The following SYNJ1 variants were observed in gnomAD, a reference collection of about 807,000 sequenced individuals.
SYNJ1 encodes synaptojanin 1.
A neutral mutation model predicts 168.2 loss-of-function variants in SYNJ1; 78 were observed. The ratio of observed to expected loss-of-function variants is 0.46; its 90% CI spans 0.39 to 0.56. SYNJ1 has a LOEUF of 0.56. Among genes scored for constraint, SYNJ1 ranks in the 20% least tolerant of loss-of-function variants. SYNJ1 has a pLI of 0.00. For synonymous variants in SYNJ1, 539 were observed against 548.6 expected (o/e 0.98, Z 0.24); for missense variants, 1,303 against 1,597.6 (o/e 0.82, Z 3.14).
intron 2 of SYNJ1, among the ~76,000 whole-genome samples, chr21:32,725,220 G>A (rs1218526074): frequency 6.6e-6 from 1 of 152,034 alleles, no homozygotes; most frequent in African/African-American, 2.4e-5. Context: ...AGTAAGTCAG[G>A]TAACGTCACC....
chr21:32,634,623 T>C (rs1348231763), intron 32 of SYNJ1, among the ~76,000 whole-genome samples: 1 of 152,168 alleles, frequency 6.6e-6, no homozygotes, highest in Non-Finnish European at 1.5e-5. Context: ...GTTTTGTTAA[T>C]TTTCATAAAA....
chr21:32,638,233 T>C (rs1250444913), intron 31 of SYNJ1, among the ~76,000 whole-genome samples: 1 of 152,112 alleles, frequency 6.6e-6, no homozygotes, highest in Non-Finnish European at 1.5e-5. Context: ...AACACCTGGA[T>C]AGTTCTTTAA....
chr21:32,646,671 G>T, intron 23 of SYNJ1, 69 bp from the exon 24 acceptor site: 2 of 1,173,888 alleles, frequency 1.7e-6, no homozygotes, highest in Non-Finnish European at 2.5e-6. Flanking sequence ...TTCACCTTAG[G>T]TTTTAAAAAG....
intron 5 of SYNJ1, 120 bp downstream of exon 5, chr21:32,694,936 CA>C: frequency 9.3e-7 from 1 of 1,079,832 alleles, no homozygotes; most frequent in Non-Finnish European, 1.3e-6. Context: ...TAACCAAGAA[CA>C]ATCATAAAAC....
intron 4 of SYNJ1, among the ~76,000 whole-genome samples, chr21:32,697,299 G>A (rs1231758829): frequency 6.6e-6 from 1 of 152,108 alleles, no homozygotes; most frequent in Non-Finnish European, 1.5e-5. Context: ...AAGTGCAAGG[G>A]TATGCACAAT....
chr21:32,668,422 A>G (rs2041042380), intron 15 of SYNJ1, among the ~76,000 whole-genome samples: 1 of 152,208 alleles, frequency 6.6e-6, no homozygotes, highest in African/African-American at 2.4e-5. Flanking sequence ...CTCTATTTAG[A>G]CAAACAATTG....
chr21:32,689,734 G>A (rs1164575213), intron 6 of SYNJ1, among the ~76,000 whole-genome samples: 1 of 152,176 alleles, frequency 6.6e-6, no homozygotes, highest in East Asian at 1.9e-4. Flanking sequence ...CATTCATTAA[G>A]CATTATCCCT....
At chr21:32,684,262 T>A (rs1014569835) in intron 9 of SYNJ1, 143 bp from the exon 10 acceptor site, 4 of 699,094 alleles carry the variant, frequency 5.7e-6, no homozygotes, top group Non-Finnish European at 2.4e-6. Context: ...ACAAAAAAAA[T>A]TATACTGTGA....
At chr21:32,690,163 G>A in intron 6 of SYNJ1, among the ~76,000 whole-genome samples, 1 of 152,194 alleles carries the variant, frequency 6.6e-6, no homozygotes, top group South Asian at 2.1e-4. Flanking sequence ...ATTCAGCTAT[G>A]TATCACAGCT....
intron 2 of SYNJ1, among the ~76,000 whole-genome samples, chr21:32,713,583 CAT>C (rs1479042199): frequency 6.9e-6 from 1 of 145,852 alleles, no homozygotes; most frequent in Non-Finnish European, 1.5e-5. Context: ...GATGATTTCC[CAT>C]ATGTCAACAT....
In SYNJ1 at chr21:32,645,642, T is replaced by C; in HGVS notation, c.3391+4A>G. Reference sequence around the variant, plus strand: ...TAGCAGAAATGGAAATAAAAGGTTGTCACCTGAAGGCGGAGGAGGTCTCTG... The same window carrying C: ...TAGCAGAAATGGAAATAAAAGGTTGCCACCTGAAGGCGGAGGAGGTCTCTG... On this transcript the variant is annotated splice_donor_region_variant and intron_variant, in intron 25 of 32. Coordinates refer to ENST00000674351, the MANE Select transcript of SYNJ1 (RefSeq NM_203446.3). 1 of 1,528,052 alleles carries C rather than the reference T, an allele frequency of 6.5e-7. No individual in the cohort carries two copies. The highest frequency in any genetic ancestry group is 8.7e-7 in the Non-Finnish European group (1 of 1,144,804). The allele number at this position is 1,528,052 out of a possible 1,614,324, so 94.7% of individuals were successfully genotyped here.
At chr21:32,665,775 C>A (rs2040903404) in intron 17 of SYNJ1, among the ~76,000 whole-genome samples, 168 bp downstream of exon 17, 4 of 152,152 alleles carry the variant, frequency 2.6e-5, no homozygotes, top group South Asian at 4.1e-4. Flanking sequence ...ATTGACTGAG[C>A]CCTGTCTCAG....
chr21:32,657,207 T>A, intron 19 of SYNJ1, 87 bp from the exon 20 acceptor site: 1 of 870,440 alleles, frequency 1.1e-6, no homozygotes, highest in African/African-American at 1.7e-5. Context: ...CTTCCTTTCA[T>A]GAGCTTCAGT....
intron 2 of SYNJ1, among the ~76,000 whole-genome samples, chr21:32,720,016 G>T (rs904296049): frequency 6.6e-6 from 1 of 152,202 alleles, no homozygotes; most frequent in East Asian, 1.9e-4. Context: ...GAGGTGGGCA[G>T]ATCACCTGAG....
Position 32,727,873 on chromosome 21 carries a change from TG to T in SYNJ1, c.-23+72del, listed in dbSNP as rs567930167. 2.5e-4 allele frequency: 382 copies of T among 1,524,024 alleles called. 1 individual carries two copies. The African/African-American group carries it at 4.5e-3, about 18-fold the overall frequency. The allele number at this position is 1,524,024 out of a possible 1,614,324, so 94.4% of individuals were successfully genotyped here. On this transcript the variant is annotated intron_variant, in intron 1 of 32. Transcript: ENST00000674351. ...ACGCTGCGGAGGCAGAGACTGGTCT[TG>T]GAGGCGTCCGCCCGCCCGGCTGCCC...
At chr21:32,676,138 A>G (rs528547184) in intron 13 of SYNJ1, among the ~76,000 whole-genome samples, 194 bp downstream of exon 13, 76 of 152,356 alleles carry the variant, frequency 5.0e-4, no homozygotes, top group Non-Finnish European at 8.7e-4. Context: ...CATTTTCTTC[A>G]GAATGAAGTA....
intron 10 of SYNJ1, among the ~76,000 whole-genome samples, chr21:32,683,245 G>A (rs1260873593): frequency 1.3e-5 from 2 of 151,830 alleles, no homozygotes; most frequent in Admixed American, 1.3e-4. Flanking sequence ...ACTTGCAGAG[G>A]AGGGAAGACT....
intron 21 of SYNJ1, 69 bp from the exon 22 acceptor site, chr21:32,653,435 G>A: frequency 8.2e-7 from 1 of 1,223,862 alleles, no homozygotes; most frequent in Non-Finnish European, 1.2e-6. Context: ...CTACTCCCAT[G>A]ATTATTGATC....
chr21:32,669,011 G>A (rs1315325629), intron 15 of SYNJ1, among the ~76,000 whole-genome samples: 2 of 151,882 alleles, frequency 1.3e-5, no homozygotes, highest in South Asian at 2.1e-4. Flanking sequence ...ATGCCACTTC[G>A]CCTAAGAATG....
Sources: allele counts gnomAD v4.1 joint callset (sites outside exome capture counted in the v4.1 genomes callset), GRCh38; gene constraint gnomAD v4.1.1; transcripts MANE v1.5; gene names NCBI Gene and HGNC (gene_info 2026-07-23, HGNC 2026-07-21).